TMEM132C: variants seen among roughly 807,000 people sequenced by gnomAD.
TMEM132C encodes protein phosphatase 1, regulatory subunit 152.
TMEM132C carries 29 observed loss-of-function variants against 61.4 expected under a neutral mutation model. That is an observed-to-expected ratio of 0.47 (90% CI 0.35 to 0.64). TMEM132C has a LOEUF of 0.64. TMEM132C is among the 30% of genes least tolerant of loss of function. The pLI, the probability that TMEM132C is intolerant of heterozygous loss-of-function variation, is 0.00. For missense variants in TMEM132C, 1,408 were observed against 1,476.9 expected, an observed-to-expected ratio of 0.95 and a Z score of 0.76; for synonymous variants, 656 against 633.1, an observed-to-expected ratio of 1.04 and a Z score of -0.54.
chr12:128,408,363 G>T (rs1437463696), intron 1 of TMEM132C, among the ~76,000 whole-genome samples: 1 of 152,212 alleles, frequency 6.6e-6, no homozygotes, highest in Middle Eastern at 3.2e-3. Flanking sequence ...AAGACAGCTT[G>T]TTGACAAATA....
chr12:128,492,485 G>C (rs188867629), intron 2 of TMEM132C, among the ~76,000 whole-genome samples: 14 of 152,210 alleles, frequency 9.2e-5, no homozygotes, highest in Middle Eastern at 3.4e-3. Context: ...AAAGTGTTCC[G>C]ATTTCTCCAC....
At chr12:128,640,429 A>G (rs1219109280) in intron 4 of TMEM132C, among the ~76,000 whole-genome samples, 1 of 152,210 alleles carries the variant, frequency 6.6e-6, no homozygotes, top group Non-Finnish European at 1.5e-5. Context: ...GAAGGGGTAA[A>G]TCCACAGAGA....
intron 3 of TMEM132C, among the ~76,000 whole-genome samples, chr12:128,577,745 C>T (rs1270301859): frequency 6.6e-6 from 1 of 152,212 alleles, no homozygotes; most frequent in Non-Finnish European, 1.5e-5. Flanking sequence ...AGAGCAGTGG[C>T]CTTTAACTCC....
At chr12:128,673,373 T>G (rs556650138) in intron 5 of TMEM132C, among the ~76,000 whole-genome samples, 1 of 152,220 alleles carries the variant, frequency 6.6e-6, no homozygotes, top group Non-Finnish European at 1.5e-5. Flanking sequence ...TCTGGCATCC[T>G]GATCTCAGAC....
chr12:128,386,369 C>G (rs1246738166), intron 1 of TMEM132C, among the ~76,000 whole-genome samples: 1 of 152,144 alleles, frequency 6.6e-6, no homozygotes. Flanking sequence ...GGGGAGACAC[C>G]CTGATTTTCC....
intron 1 of TMEM132C, among the ~76,000 whole-genome samples, chr12:128,345,219 C>T (rs1369847618): frequency 1.3e-5 from 2 of 152,132 alleles, no homozygotes; most frequent in African/African-American, 4.8e-5. Flanking sequence ...ATCCATGCCC[C>T]TGCGAAGTAC....
chr12:128,309,397 T>G (rs1446650921), intron 1 of TMEM132C, among the ~76,000 whole-genome samples: 1 of 152,236 alleles, frequency 6.6e-6, no homozygotes, highest in Non-Finnish European at 1.5e-5. Context: ...CATCACATAC[T>G]ACCAATAAGC....
intron 1 of TMEM132C, among the ~76,000 whole-genome samples, chr12:128,351,010 G>C (rs965169963): frequency 2.0e-5 from 3 of 152,100 alleles, no homozygotes; most frequent in East Asian, 3.9e-4. Flanking sequence ...AGGAAGAAAA[G>C]AGCCTGAGTC....
intron 1 of TMEM132C, among the ~76,000 whole-genome samples, chr12:128,370,161 C>G (rs1175687199): frequency 6.6e-6 from 1 of 152,142 alleles, no homozygotes; most frequent in African/African-American, 2.4e-5. Flanking sequence ...GGCAGATGCC[C>G]TGGCCAGCAA....
intron 2 of TMEM132C, among the ~76,000 whole-genome samples, chr12:128,423,046 A>G (rs1280201123): frequency 6.6e-6 from 1 of 152,156 alleles, no homozygotes; most frequent in Non-Finnish European, 1.5e-5. Flanking sequence ...GTCAGGACTG[A>G]TAATGGAGCC....
intron 4 of TMEM132C, among the ~76,000 whole-genome samples, chr12:128,623,824 A>G (rs1953990111): frequency 6.6e-6 from 1 of 152,106 alleles, no homozygotes; most frequent in African/African-American, 2.4e-5. Flanking sequence ...AAAAATGATG[A>G]TATAACTTCA....
chr12:128,451,119 T>A (rs1304889524), intron 2 of TMEM132C, among the ~76,000 whole-genome samples: 1 of 152,208 alleles, frequency 6.6e-6, no homozygotes, highest in African/African-American at 2.4e-5. Flanking sequence ...TATCAGAGAT[T>A]TGGGTTCTTT....
chr12:128,627,531 C>T (rs1318038353), intron 4 of TMEM132C, among the ~76,000 whole-genome samples: 1 of 152,222 alleles, frequency 6.6e-6, no homozygotes, highest in East Asian at 1.9e-4. Context: ...CCTAGTCTCC[C>T]ACCAGACACT....
intron 1 of TMEM132C, among the ~76,000 whole-genome samples, chr12:128,336,651 A>G (rs1373077039): frequency 6.6e-6 from 1 of 152,200 alleles, no homozygotes; most frequent in South Asian, 2.1e-4. Flanking sequence ...ATGAGAAACC[A>G]TCTTGGTTAG....
intron 2 of TMEM132C, among the ~76,000 whole-genome samples, chr12:128,485,386 A>C (rs971952345): frequency 7.2e-5 from 11 of 152,150 alleles, no homozygotes; most frequent in Admixed American, 3.9e-4. Flanking sequence ...CATGTTGGCC[A>C]GGCTGGTCTC....
chr12:128,664,379 A>G (rs1954436164), intron 4 of TMEM132C, among the ~76,000 whole-genome samples: 1 of 152,212 alleles, frequency 6.6e-6, no homozygotes, highest in African/African-American at 2.4e-5. Flanking sequence ...CTTTTTTCAA[A>G]TTTGAAATGA....
chr12:128,538,684 G>C (rs773407234), intron 2 of TMEM132C, among the ~76,000 whole-genome samples: 26 of 152,062 alleles, frequency 1.7e-4, no homozygotes, highest in Non-Finnish European at 3.4e-4. Flanking sequence ...TCCTCACCTG[G>C]TATTTATAGG....
In TMEM132C at chr12:128,544,033, G is replaced by A; in HGVS notation, c.1051G>A (p.Val351Met). ...CCGGCAGTGGGGCGTCAAGCAGGAG[G>A]TGGGCAGCGGCGGAAAGCACGTGAC... ...EPRQWGVKQEVGSGGKHVTAT... is the reference protein window; with the variant it reads ...EPRQWGVKQEMGSGGKHVTAT... The change falls in exon 3 of 9, where the codon GTG becomes ATG. Residue 351 changes from valine to methionine, a missense_variant. Transcript: ENST00000435159. 1 of 1,548,510 alleles carries A rather than the reference G, an allele frequency of 6.5e-7. No individual in the cohort carries two copies. The highest frequency in any genetic ancestry group is 8.7e-7 in the Non-Finnish European group (1 of 1,145,608).
At chr12:128,641,447 A>G (rs1954157232) in intron 4 of TMEM132C, among the ~76,000 whole-genome samples, 1 of 152,220 alleles carries the variant, frequency 6.6e-6, no homozygotes, top group Non-Finnish European at 1.5e-5. Flanking sequence ...ATCATAGTGG[A>G]TTAGGGTGAT....
Sources: gnomAD v4.1 joint callset for allele counts (sites outside exome capture counted in the v4.1 genomes callset) on GRCh38, gnomAD v4.1.1 for gene constraint, MANE v1.5 for transcripts, NCBI Gene and HGNC (gene_info 2026-07-23, HGNC 2026-07-21) for gene names.